The following PDE4D variants were observed in gnomAD, a reference collection of about 807,000 sequenced individuals.
PDE4D encodes the protein phosphodiesterase 4D.
Under a neutral mutation model 87.4 loss-of-function variants are expected in PDE4D, and 24 were observed. The ratio of observed to expected loss-of-function variants is 0.27; its 90% CI spans 0.20 to 0.39. PDE4D has a LOEUF of 0.39. Ranked by LOEUF, PDE4D falls within the 10% of genes least tolerant of loss-of-function variation. PDE4D has a pLI of 1.00. For synonymous variants in PDE4D, 384 were observed against 383.2 expected (o/e 1.00, Z -0.02); for missense variants, 714 against 1,041.0 (o/e 0.69, Z 4.32).
intron 1 of PDE4D, among the ~76,000 whole-genome samples, chr5:59,620,512 C>T (rs1466839781): frequency 6.6e-6 from 1 of 152,082 alleles, no homozygotes; most frequent in Non-Finnish European, 1.5e-5. Flanking sequence ...TGGCTGATGA[C>T]AAAGTTCAGA....
intron 1 of PDE4D, among the ~76,000 whole-genome samples, chr5:60,377,096 G>A (rs1561184388): frequency 6.6e-6 from 1 of 152,210 alleles, no homozygotes; most frequent in Non-Finnish European, 1.5e-5. Context: ...GTAAACACAG[G>A]CAACCAAATA....
intron 2 of PDE4D, among the ~76,000 whole-genome samples, chr5:60,161,800 G>T (rs949385606): frequency 1.3e-5 from 2 of 152,060 alleles, no homozygotes; most frequent in African/African-American, 4.8e-5. Context: ...CAAAGGCTTC[G>T]CACATTCTCA....
chr5:59,433,608 C>G (rs1344052806), intron 1 of PDE4D, among the ~76,000 whole-genome samples: 1 of 151,980 alleles, frequency 6.6e-6, no homozygotes, highest in African/African-American at 2.4e-5. Flanking sequence ...CCATCCATAC[C>G]AGGCCTACCT....
intron 1 of PDE4D, among the ~76,000 whole-genome samples, chr5:59,876,182 G>A (rs1045787680): frequency 6.6e-6 from 1 of 152,110 alleles, no homozygotes; most frequent in Non-Finnish European, 1.5e-5. Flanking sequence ...TCTGCATCTA[G>A]AGAAAAGGGT....
chr5:59,514,722 G>A (rs1223809823), intron 1 of PDE4D, among the ~76,000 whole-genome samples: 2 of 152,038 alleles, frequency 1.3e-5, no homozygotes, highest in Non-Finnish European at 2.9e-5. Flanking sequence ...TGTGACTTTG[G>A]GCTAGTTATT....
intron 1 of PDE4D, among the ~76,000 whole-genome samples, chr5:59,238,545 T>G (rs1756971490): frequency 6.6e-6 from 1 of 152,210 alleles, no homozygotes; most frequent in Non-Finnish European, 1.5e-5. Flanking sequence ...CACCGTGGAT[T>G]ACTATCTTTG....
chr5:59,905,893 C>T lies in PDE4D; in HGVS notation c.272+82595G>A, dbSNP rs193185569. ...TAGTAATAGGGCTTTGCCTTTAAGC[C>T]GGCAATGAATATTTTAGTGAGATAA... On this transcript the variant is annotated intron_variant, in intron 3 of 16. Transcript: ENST00000502484. 1.4e-3 allele frequency among the ~76,000 whole-genome samples: 209 copies of T among 152,138 alleles called. 2 individuals carry two copies. Among genetic ancestry groups the T allele is most frequent in the Non-Finnish European group, 6.0e-4 (41 of 67,988 alleles).
chr5:59,018,946 T>TG (rs1754569190), intron 6 of PDE4D, among the ~76,000 whole-genome samples: 1 of 151,650 alleles, frequency 6.6e-6, no homozygotes, highest in Non-Finnish European at 1.5e-5. Flanking sequence ...CCCCTCTTTT[T>TG]TTTTTTTTTT....
chr5:59,401,488 T>TATC (rs1790641644), intron 1 of PDE4D, among the ~76,000 whole-genome samples: 11 of 67,356 alleles, frequency 1.6e-4, no homozygotes, highest in African/African-American at 6.4e-4. Context: ...ATCTATCTAT[T>TATC]TTGATCCCAT....
chr5:60,352,014 A>C (rs1163268745), intron 1 of PDE4D, among the ~76,000 whole-genome samples: 2 of 146,992 alleles, frequency 1.4e-5, no homozygotes, highest in African/African-American at 5.0e-5. Flanking sequence ...TGTGTTGTCC[A>C]GGTTGGTTTC....
chr5:59,502,044 G>C (rs1808374190), intron 1 of PDE4D, among the ~76,000 whole-genome samples: 1 of 152,058 alleles, frequency 6.6e-6, no homozygotes. Flanking sequence ...CCTTTCACTA[G>C]TGTTCTCCAC....
chr5:60,354,714 G>A (rs909772435), intron 1 of PDE4D, among the ~76,000 whole-genome samples: 7 of 152,050 alleles, frequency 4.6e-5, no homozygotes, highest in Non-Finnish European at 7.4e-5. Flanking sequence ...GTACTAGGAC[G>A]TTTTTCTGGC....
chr5:59,094,111 G>A (rs1308604244), intron 5 of PDE4D, among the ~76,000 whole-genome samples: 3 of 151,094 alleles, frequency 2.0e-5, no homozygotes, highest in Admixed American at 6.6e-5. Context: ...CCAGTTACTC[G>A]GGAGGCTGAG....
chr5:59,323,675 T>C (rs1244592709), intron 1 of PDE4D, among the ~76,000 whole-genome samples: 3 of 152,090 alleles, frequency 2.0e-5, no homozygotes. Flanking sequence ...TGACATTATC[T>C]TAAAGCCCTT....
intron 1 of PDE4D, among the ~76,000 whole-genome samples, chr5:60,188,646 T>C (rs1251667425): frequency 6.6e-6 from 1 of 152,094 alleles, no homozygotes; most frequent in East Asian, 1.9e-4. Context: ...ATGAAGAGGA[T>C]TGCATGTTCT....
intron 1 of PDE4D, among the ~76,000 whole-genome samples, chr5:59,794,467 G>A (rs1026657956): frequency 2.0e-5 from 3 of 151,984 alleles, no homozygotes; most frequent in African/African-American, 4.8e-5. Context: ...CAGCCTGCGA[G>A]GGCTGCCTCC....
intron 1 of PDE4D, among the ~76,000 whole-genome samples, chr5:60,421,759 C>A (rs1158500616): frequency 6.6e-6 from 1 of 152,098 alleles, no homozygotes; most frequent in Non-Finnish European, 1.5e-5. Flanking sequence ...GCTAAAGGGG[C>A]ATGTTCTAAC....
intron 1 of PDE4D, among the ~76,000 whole-genome samples, chr5:59,355,893 A>G (rs939825908): frequency 1.3e-5 from 2 of 152,276 alleles, no homozygotes; most frequent in African/African-American, 4.8e-5. Context: ...GTGTTAATAT[A>G]TATTTCTACA....
At chr5:59,123,257 CTTCT>C (rs745541216) in intron 5 of PDE4D, among the ~76,000 whole-genome samples, 109 of 152,288 alleles carry the variant, frequency 7.2e-4, no homozygotes, top group African/African-American at 2.5e-3. Context: ...CACACATAGT[CTTCT>C]TTCTGTCTTC....
Sources: gnomAD v4.1 joint callset for allele counts (sites outside exome capture counted in the v4.1 genomes callset) on GRCh38, gnomAD v4.1.1 for gene constraint, MANE v1.5 for transcripts, NCBI Gene and HGNC (gene_info 2026-07-23, HGNC 2026-07-21) for gene names.